KCNIP4: variants seen among roughly 807,000 people sequenced by gnomAD.
KCNIP4 encodes the protein Kv channel-interacting protein 4.
Under a neutral mutation model 34.0 loss-of-function variants are expected in KCNIP4, and 12 were observed. That is an observed-to-expected ratio of 0.35 (90% CI 0.23 to 0.57). The LOEUF (loss-of-function observed/expected upper bound fraction) is 0.57. Ranked by LOEUF, KCNIP4 falls within the 20% of genes least tolerant of loss-of-function variation. KCNIP4 has a pLI of 0.83. For missense variants in KCNIP4, 238 were observed against 311.7 expected (o/e 0.76, Z 1.78); for synonymous variants, 124 against 102.2 (o/e 1.21, Z -1.29).
intron 1 of KCNIP4, among the ~76,000 whole-genome samples, chr4:21,796,895 G>T (rs1720660675): frequency 6.6e-6 from 1 of 152,202 alleles, no homozygotes; most frequent in Non-Finnish European, 1.5e-5. Flanking sequence ...ACAGTAAAAT[G>T]ATTGTTTTTA....
rs533811189 is a variant in KCNIP4 at position 20,914,705 on chromosome 4, G to A, written c.62-31996C>T. 6.6e-5 allele frequency among the ~76,000 whole-genome samples: 10 copies of A among 152,238 alleles called. No homozygotes were observed. The East Asian group carries it at 1.5e-3, about 24-fold the overall frequency. On this transcript the variant is annotated intron_variant, in intron 1 of 8. Coordinates refer to ENST00000382152, the MANE Select transcript of KCNIP4 (RefSeq NM_025221.6). ...TCCCAGGGTCTAATTGAAGTCACTC[G>A]TGCCTCTTCAGGCTCAGCAACTCAA...
chr4:21,254,663 T>A (rs1760940704), intron 1 of KCNIP4, among the ~76,000 whole-genome samples: 1 of 152,184 alleles, frequency 6.6e-6, no homozygotes, highest in Non-Finnish European at 1.5e-5. Flanking sequence ...TAATGCTGAG[T>A]ATCCATTATC....
At chr4:20,834,740 G>T (rs1372803081) in intron 3 of KCNIP4, among the ~76,000 whole-genome samples, 1 of 152,174 alleles carries the variant, frequency 6.6e-6, no homozygotes, top group Non-Finnish European at 1.5e-5. Context: ...TCACCCAAAG[G>T]CAAGGTTCTT....
chr4:21,602,158 C>G (rs62301336), intron 1 of KCNIP4, among the ~76,000 whole-genome samples: 3 of 151,978 alleles, frequency 2.0e-5, no homozygotes, highest in Non-Finnish European at 2.9e-5. Context: ...CTAGAATATT[C>G]TTCAACACTT....
intron 1 of KCNIP4, among the ~76,000 whole-genome samples, chr4:20,950,343 C>A (rs1043217146): frequency 1.3e-5 from 2 of 152,026 alleles, no homozygotes; most frequent in Non-Finnish European, 1.5e-5. Flanking sequence ...GACTTTGAGT[C>A]ATGATGTTGA....
At chr4:20,760,608 C>T (rs1754878981) in intron 3 of KCNIP4, among the ~76,000 whole-genome samples, 1 of 152,096 alleles carries the variant, frequency 6.6e-6, no homozygotes, top group Non-Finnish European at 1.5e-5. Flanking sequence ...GGTTTTATCC[C>T]ATTTGTTAAT....
intron 1 of KCNIP4, among the ~76,000 whole-genome samples, chr4:20,973,886 G>T (rs1010296473): frequency 6.6e-6 from 1 of 152,122 alleles, no homozygotes; most frequent in Non-Finnish European, 1.5e-5. Context: ...AGTTCATGGT[G>T]CTCCTAATCT....
At chr4:21,018,968 C>T (rs528340998) in intron 1 of KCNIP4, among the ~76,000 whole-genome samples, 3 of 152,078 alleles carry the variant, frequency 2.0e-5, no homozygotes, top group African/African-American at 4.8e-5. Flanking sequence ...TACCACACAT[C>T]GGGTGGCTTA....
At chr4:21,012,956 A>T (rs573575676) in intron 1 of KCNIP4, among the ~76,000 whole-genome samples, 2 of 152,298 alleles carry the variant, frequency 1.3e-5, no homozygotes, top group East Asian at 3.9e-4. Context: ...ACTCACTGTA[A>T]TCCTGAGAAT....
chr4:21,183,469 GT>G (rs3080812), intron 1 of KCNIP4, among the ~76,000 whole-genome samples: 344 of 128,206 alleles, frequency 2.7e-3, no homozygotes, highest in Middle Eastern at 8.1e-3. Flanking sequence ...TGTTGTTTTT[GT>G]TTTTTTTTTT....
intron 1 of KCNIP4, among the ~76,000 whole-genome samples, chr4:21,519,879 T>A (rs1735375041): frequency 6.8e-6 from 1 of 147,694 alleles, no homozygotes; most frequent in Non-Finnish European, 1.5e-5. Flanking sequence ...ATATAAATTA[T>A]ATATAATTTA....
At chr4:21,072,804 C>T (rs12502441) in intron 1 of KCNIP4, among the ~76,000 whole-genome samples, 7,883 of 152,148 alleles carry the variant, frequency 0.052, 282 homozygotes, top group Middle Eastern at 0.13. Context: ...CTTTAATCCA[C>T]CTTGAATTAA....
intron 1 of KCNIP4, among the ~76,000 whole-genome samples, chr4:21,610,463 G>T (rs895112440): frequency 6.6e-6 from 1 of 152,092 alleles, no homozygotes; most frequent in East Asian, 1.9e-4. Flanking sequence ...AACTCTGTAA[G>T]TCCCATTAAA....
At chr4:21,862,385 A>C (rs764266728) in intron 1 of KCNIP4, among the ~76,000 whole-genome samples, 14 of 152,214 alleles carry the variant, frequency 9.2e-5, no homozygotes, top group Non-Finnish European at 1.8e-4. Context: ...AGAATAAAAT[A>C]AAATTCTCTG....
At chr4:21,501,248 T>A (rs4607204) in intron 1 of KCNIP4, among the ~76,000 whole-genome samples, 7,323 of 103,986 alleles carry the variant, frequency 0.07, 536 homozygotes, top group African/African-American at 0.2. Context: ...TCTCTCTCTC[T>A]CACACACACA....
chr4:20,962,692 A>T (rs1334734223), intron 1 of KCNIP4, among the ~76,000 whole-genome samples: 1 of 152,224 alleles, frequency 6.6e-6, no homozygotes, highest in African/African-American at 2.4e-5. Flanking sequence ...AAAGTAAATT[A>T]AAAAACATAA....
intron 1 of KCNIP4, among the ~76,000 whole-genome samples, chr4:21,094,711 T>C (rs1747314494): frequency 6.6e-6 from 1 of 152,212 alleles, no homozygotes; most frequent in African/African-American, 2.4e-5. Flanking sequence ...CCGTGTCTTT[T>C]CTTGTATCAC....
At chr4:21,634,796 TG>T (rs1404457673) in intron 1 of KCNIP4, among the ~76,000 whole-genome samples, 1 of 152,188 alleles carries the variant, frequency 6.6e-6, no homozygotes, top group Non-Finnish European at 1.5e-5. Context: ...GGTAAAGACC[TG>T]GTTTGCCAAC....
At chr4:21,178,285 G>A (rs928216648) in intron 1 of KCNIP4, among the ~76,000 whole-genome samples, 3 of 152,206 alleles carry the variant, frequency 2.0e-5, no homozygotes, top group Admixed American at 6.5e-5. Flanking sequence ...GAAAGTCAAT[G>A]AAAGTTCTTT....
Sources: gnomAD v4.1 joint callset for allele counts (sites outside exome capture counted in the v4.1 genomes callset) on GRCh38, gnomAD v4.1.1 for gene constraint, MANE v1.5 for transcripts, NCBI Gene and HGNC (gene_info 2026-07-23, HGNC 2026-07-21) for gene names.